Variants in TTC29 observed in about 807,000 individuals in gnomAD.
The protein encoded by TTC29 is tetratricopeptide repeat domain 29.
TTC29 carries 49 observed loss-of-function variants against 58.1 expected under a neutral mutation model. That is an observed-to-expected ratio of 0.84 (90% confidence interval 0.67 to 1.07). TTC29 has a LOEUF of 1.07. Ranked by LOEUF, TTC29 falls within the 50% of genes least tolerant of loss-of-function variation. The probability of loss-of-function intolerance (pLI) is 0.00; values close to 1 mark genes in which losing one functional copy is unlikely to be tolerated. For missense variants in TTC29, 582 were observed against 555.6 expected, an observed-to-expected ratio of 1.05 and a Z score of -0.48; for synonymous variants, 209 against 196.8, an observed-to-expected ratio of 1.06 and a Z score of -0.52.
intron 11 of TTC29, among the ~76,000 whole-genome samples, chr4:146,781,811 A>G (rs1343529845): frequency 6.6e-6 from 1 of 151,978 alleles, no homozygotes; most frequent in African/African-American, 2.4e-5. Context: ...AATTCCACCT[A>G]GCTGTGCACA....
intron 11 of TTC29, among the ~76,000 whole-genome samples, chr4:146,736,410 C>T (rs1002238517): frequency 4.6e-5 from 7 of 151,856 alleles, no homozygotes; most frequent in South Asian, 2.1e-4. Context: ...GAATGGACAT[C>T]GTATCTGATT....
intron 11 of TTC29, among the ~76,000 whole-genome samples, chr4:146,744,116 T>G (rs901271773): frequency 6.6e-6 from 1 of 152,232 alleles, no homozygotes; most frequent in Non-Finnish European, 1.5e-5. Flanking sequence ...CCTATATCTG[T>G]ACAGATAATA....
At chr4:146,790,336 C>T (rs1032382472) in intron 11 of TTC29, among the ~76,000 whole-genome samples, 2 of 151,892 alleles carry the variant, frequency 1.3e-5, no homozygotes, top group African/African-American at 4.8e-5. Flanking sequence ...CTACAGGCGC[C>T]CGCCACCATG....
intron 8 of TTC29, among the ~76,000 whole-genome samples, chr4:146,842,878 C>T (rs1004524016): frequency 6.6e-6 from 1 of 152,140 alleles, no homozygotes; most frequent in Non-Finnish European, 1.5e-5. Context: ...CCATCTTGAG[C>T]TTGAAATCAT....
At chr4:146,910,899 GGAGAA>G (rs1733853348) in intron 4 of TTC29, among the ~76,000 whole-genome samples, 1 of 152,152 alleles carries the variant, frequency 6.6e-6, no homozygotes, top group Non-Finnish European at 1.5e-5. Flanking sequence ...GATCGATAGA[GGAGAA>G]AAGTATGGAG....
chr4:146,890,639 A>AT (rs1187464585), intron 6 of TTC29, among the ~76,000 whole-genome samples: 2 of 152,208 alleles, frequency 1.3e-5, no homozygotes, highest in African/African-American at 4.8e-5. Context: ...GGAAGGCTTC[A>AT]TTTGAAAAAA....
intron 4 of TTC29, among the ~76,000 whole-genome samples, chr4:146,932,957 C>T (rs1205931378): frequency 3.3e-5 from 5 of 151,654 alleles, no homozygotes; most frequent in African/African-American, 1.2e-4. Flanking sequence ...ACTTGGGAGG[C>T]TGAAGCAGGA....
intron 8 of TTC29, among the ~76,000 whole-genome samples, chr4:146,839,914 G>A: frequency 6.6e-6 from 1 of 151,850 alleles, no homozygotes; most frequent in East Asian, 1.9e-4. Flanking sequence ...CTTATACATA[G>A]GTGTGAATGA....
intron 11 of TTC29, among the ~76,000 whole-genome samples, chr4:146,715,148 T>C (rs1742837010): frequency 6.6e-6 from 1 of 152,166 alleles, no homozygotes; most frequent in African/African-American, 2.4e-5. Context: ...TATAAGATTC[T>C]TATACTATGT....
chr4:146,836,667 T>A (rs1176229409), intron 8 of TTC29, among the ~76,000 whole-genome samples: 2 of 151,982 alleles, frequency 1.3e-5, no homozygotes, highest in Non-Finnish European at 2.9e-5. Context: ...AAACTCAACC[T>A]TATTAAAAAG....
chr4:146,798,628 T>C (rs907955399), intron 11 of TTC29, among the ~76,000 whole-genome samples: 2 of 151,946 alleles, frequency 1.3e-5, no homozygotes, highest in African/African-American at 2.4e-5. Flanking sequence ...TGGTGGCTCA[T>C]GCCTGTAATC....
At chr4:146,887,269 T>C (rs1038237576) in intron 6 of TTC29, among the ~76,000 whole-genome samples, 1 of 152,184 alleles carries the variant, frequency 6.6e-6, no homozygotes, top group Non-Finnish European at 1.5e-5. Flanking sequence ...TCCTAGTTTC[T>C]GCTTCCTTAA....
chr4:146,708,749 T>C (rs1320947497), intron 11 of TTC29, among the ~76,000 whole-genome samples: 1 of 152,060 alleles, frequency 6.6e-6, no homozygotes, highest in Non-Finnish European at 1.5e-5. Flanking sequence ...AGAGTTCCAC[T>C]TTGCCTTTTG....
chr4:146,893,504 C>T (rs1226252164), intron 6 of TTC29, among the ~76,000 whole-genome samples: 1 of 152,180 alleles, frequency 6.6e-6, no homozygotes, highest in Admixed American at 6.5e-5. Flanking sequence ...AACTGGATCC[C>T]TTCCTTACAC....
chr4:146,736,620 A>T (rs888581093), intron 11 of TTC29, among the ~76,000 whole-genome samples: 3 of 152,192 alleles, frequency 2.0e-5, no homozygotes, highest in African/African-American at 7.2e-5. Flanking sequence ...AGCAACGACT[A>T]CTGAGACTCT....
At chr4:146,831,653 A>C (rs1000164918) in intron 9 of TTC29, 6 of 419,820 alleles carry the variant, frequency 1.4e-5, no homozygotes, top group Middle Eastern at 7.1e-4. Flanking sequence ...GGTAGTGCCA[A>C]AATTCACCAG....
chr4:146,743,808 C>T (rs1745340580), intron 11 of TTC29, among the ~76,000 whole-genome samples: 1 of 152,200 alleles, frequency 6.6e-6, no homozygotes, highest in Non-Finnish European at 1.5e-5. Context: ...TACTGAATTG[C>T]TCCATGAGCA....
intron 11 of TTC29, among the ~76,000 whole-genome samples, chr4:146,800,388 A>G (rs937944595): frequency 6.6e-6 from 1 of 152,180 alleles, no homozygotes. Context: ...GGTGAAGATA[A>G]CTGCACAGCT....
At position 146,797,343 on chromosome 4, in the gene TTC29, T is replaced by C. The variant is rs1302689887; in HGVS notation, c.1330+6114A>G. On this transcript the variant is annotated intron_variant, in intron 11 of 12. Coordinates refer to ENST00000325106, the MANE Select transcript of TTC29 (RefSeq NM_031956.4). ...TTTACTGACATATTTCTAATTTTCA[T>C]GTTCTTCATTTCTTTGCACAGATGC... Among the ~76,000 whole-genome samples the C allele has an allele frequency of 2.0e-5, 3 of 152,254 alleles. No individual in the cohort carries two copies. In the East Asian group the frequency reaches 5.8e-4, roughly 29 times the overall value.
Sources: gnomAD v4.1 joint callset for allele counts (sites outside exome capture counted in the v4.1 genomes callset) on GRCh38, gnomAD v4.1.1 for gene constraint, MANE v1.5 for transcripts, NCBI Gene and HGNC (gene_info 2026-07-23, HGNC 2026-07-21) for gene names.